Variants in CFAP74 observed in about 807,000 individuals in gnomAD.
CFAP74 encodes the protein cilia and flagella associated protein 74.
Under a neutral mutation model 188.9 loss-of-function variants are expected in CFAP74, and 124 were observed. That is an observed-to-expected ratio of 0.66 (90% CI 0.57 to 0.76). The LOEUF is 0.76. Among genes scored for constraint, CFAP74 ranks in the 30% least tolerant of loss-of-function variants. The pLI, the probability that CFAP74 is intolerant of heterozygous loss-of-function variation, is 0.00. For missense variants in CFAP74, 2,198 were observed against 2,165.2 expected (o/e 1.02, Z -0.30); for synonymous variants, 956 against 916.7 (o/e 1.04, Z -0.77).
intron 10 of CFAP74, among the ~76,000 whole-genome samples, chr1:1,970,237 C>T (rs924563094): frequency 1.3e-4 from 20 of 152,308 alleles, no homozygotes; most frequent in South Asian, 4.1e-4. Flanking sequence ...GCCAGGTGGA[C>T]GGCCCTGGAC....
Position 1,980,412 on chromosome 1 carries a change from G to A in CFAP74, c.500+4974C>T, listed in dbSNP as rs895673753. ...TGTATCTAAGCCACCGGCACAGATC[G>A]CAGTGGGCGCCCTCTTACCGTGTGG... is the stretch of plus-strand genomic sequence containing the variant. On this transcript the variant is annotated intron_variant, in intron 6 of 38. Coordinates refer to ENST00000682832, the MANE Select transcript of CFAP74 (RefSeq NM_001304360.2). 6.2e-5 allele frequency among the ~76,000 whole-genome samples: 8 copies of A among 128,374 alleles called. 2 individuals carry two copies. Among genetic ancestry groups the A allele is most frequent in the Middle Eastern group, 7.5e-3 (2 of 268 alleles). 84.2% of individuals were successfully genotyped at this position (128,374 alleles called of 152,430 possible). A position where few individuals can be genotyped will look rare whatever the true frequency, so the allele number is the denominator to read the frequency against.
intron 18 of CFAP74, among the ~76,000 whole-genome samples, chr1:1,953,073 T>C (rs541840674): frequency 6.6e-6 from 1 of 152,258 alleles, no homozygotes; most frequent in Non-Finnish European, 1.5e-5. Context: ...CTACAGTTTA[T>C]GTGGAAATGT....
chr1:1,937,165 C>T (rs553619454), intron 25 of CFAP74, among the ~76,000 whole-genome samples: 1 of 152,346 alleles, frequency 6.6e-6, no homozygotes, highest in South Asian at 2.1e-4. Flanking sequence ...GCCGTGATTA[C>T]GGATGGAACG....
At chr1:1,993,198 CAAAAAA>C (rs58970740) in intron 1 of CFAP74, among the ~76,000 whole-genome samples, 1 of 90,478 alleles carries the variant, frequency 1.1e-5, no homozygotes. Flanking sequence ...AAGACTGTCT[CAAAAAA>C]AAAAAAAAAA....
intron 5 of CFAP74, among the ~76,000 whole-genome samples, chr1:1,985,828 C>T (rs961573582): frequency 4.6e-5 from 7 of 152,358 alleles, no homozygotes; most frequent in Admixed American, 2.0e-4. Flanking sequence ...CAAGCCCTCG[C>T]GTCAGGGCGC....
At chr1:1,986,288 GC>G (rs1422277082) in intron 5 of CFAP74, among the ~76,000 whole-genome samples, 1 of 152,228 alleles carries the variant, frequency 6.6e-6, no homozygotes, top group Non-Finnish European at 1.5e-5. Context: ...TCCGGAGGCT[GC>G]AGCAGAGAAT....
intron 4 of CFAP74, among the ~76,000 whole-genome samples, chr1:1,987,687 G>A (rs998875027): frequency 4.6e-5 from 7 of 152,022 alleles, no homozygotes; most frequent in African/African-American, 9.7e-5. Flanking sequence ...GACTACAGGC[G>A]CCCACCACCA....
intron 14 of CFAP74, among the ~76,000 whole-genome samples, chr1:1,960,587 C>T (rs1655011103): frequency 6.6e-6 from 1 of 152,230 alleles, no homozygotes; most frequent in Admixed American, 6.5e-5. Context: ...GGAGCATCTC[C>T]CCAAGGAATT....
chr1:1,999,189 C>T (rs115202187), intron 1 of CFAP74, among the ~76,000 whole-genome samples: 1 of 152,154 alleles, frequency 6.6e-6, no homozygotes, highest in Non-Finnish European at 1.5e-5. Context: ...AAAACTAAGA[C>T]AGTAGAGTGC....
chr1:1,983,119 T>A (rs1657012746), intron 6 of CFAP74, among the ~76,000 whole-genome samples: 1 of 152,028 alleles, frequency 6.6e-6, no homozygotes, highest in South Asian at 2.1e-4. Flanking sequence ...ACCCCCAGCC[T>A]ACACGGAGAG....
At chr1:1,990,389 G>A (rs901819541) in intron 2 of CFAP74, among the ~76,000 whole-genome samples, 5 of 150,350 alleles carry the variant, frequency 3.3e-5, no homozygotes, top group Non-Finnish European at 7.4e-5. Flanking sequence ...AGACAGTGGC[G>A]GGGGGCAGGG....
intron 6 of CFAP74, among the ~76,000 whole-genome samples, chr1:1,979,041 G>A (rs1367128200): frequency 3.5e-5 from 5 of 143,178 alleles, no homozygotes; most frequent in East Asian, 2.1e-4. Context: ...GTGGGAAGGC[G>A]TCATGTGACG....
At chr1:1,957,548 C>T (rs1246154219) in intron 16 of CFAP74, among the ~76,000 whole-genome samples, 1 of 152,192 alleles carries the variant, frequency 6.6e-6, no homozygotes, top group Non-Finnish European at 1.5e-5. Context: ...AAGCAAGCCC[C>T]TGCTCAGGGG....
At position 1,968,663 on chromosome 1, in the gene CFAP74, G is replaced by A. The variant is rs199580948; in HGVS notation, c.1217C>T (p.Thr406Ile). The change falls in exon 11 of 39, where the codon ACC (threonine) becomes ATC (isoleucine). Residue 406 changes from threonine to isoleucine, a missense_variant. Thr to Ile is a moderately conservative substitution (Grantham distance 89, BLOSUM62 -1). Coordinates refer to ENST00000682832, the MANE Select transcript of CFAP74 (RefSeq NM_001304360.2). This position sits in a 1 kb window ranked among gnomAD's most constrained non-coding sequence, Gnocchi z 4.3. ...WNYISDFCKK[T>I]TVPTNTYTLD... ...TGTGTACGTGTTGGTTGGGACTGTG[G>A]TCTTCTTGCAAAAGTCAGAAATGTA... The A allele has an allele frequency of 1.5e-4, 246 of 1,603,422 alleles. 1 individual carries two copies. In the African/African-American group the frequency reaches 2.6e-3, roughly 17 times the overall value.
At chr1:1,986,032 C>T (rs1657213830) in intron 5 of CFAP74, among the ~76,000 whole-genome samples, 2 of 152,176 alleles carry the variant, frequency 1.3e-5, no homozygotes, top group Admixed American at 6.5e-5. Context: ...AGCAGCTGGC[C>T]GGGTATGGCA....
chr1:1,971,218 TAC>T (rs1224255843), intron 9 of CFAP74, among the ~76,000 whole-genome samples: 5 of 120,442 alleles, frequency 4.2e-5, no homozygotes, highest in African/African-American at 6.4e-5. Flanking sequence ...CCTGCACACA[TAC>T]GCGTGCACGC....
In CFAP74 at chr1:1,973,053, G is replaced by A. The variant is rs2102082790; in HGVS notation, c.675-6C>T. ...TCTGGGTGTTCAGGGACTTCCTGTG[G>A]GGATATGGGGCCGTCAGAGGGAAAC... On this transcript the variant is annotated splice_polypyrimidine_tract_variant and splice_region_variant and intron_variant, in intron 7 of 38. Transcript: ENST00000682832. This position sits in a 1 kb window ranked among gnomAD's most constrained non-coding sequence, Gnocchi z 6.2. 1 of 1,605,980 alleles carries A rather than the reference G, an allele frequency of 6.2e-7. No homozygotes were observed. Among genetic ancestry groups the A allele is most frequent in the Non-Finnish European group, 8.5e-7 (1 of 1,173,384 alleles).
intron 4 of CFAP74, among the ~76,000 whole-genome samples, chr1:1,987,369 C>T (rs1271741792): frequency 1.3e-5 from 2 of 152,248 alleles, no homozygotes; most frequent in South Asian, 2.1e-4. Flanking sequence ...CTGGGGCCCA[C>T]GGGAGGGGAG....
rs1012730250 is a variant in CFAP74 at position 1,935,530 on chromosome 1, G to A, written c.3011+3325C>T. Among the ~76,000 whole-genome samples, 7 of 99,364 alleles carry A rather than the reference G, an allele frequency of 7.0e-5. 1 individual carries two copies. The highest frequency in any genetic ancestry group is 1.5e-4 in the Non-Finnish European group (7 of 45,434). The allele number at this position is 99,364 out of a possible 152,430, so 65.2% of individuals were successfully genotyped here. On this transcript the variant is annotated intron_variant, in intron 25 of 38. Transcript: ENST00000682832. ...CGTGGGTTAGGTTGTAGGTACACACGTGTGTACCTGTTAGGTTGTAGGTAT... is the reference window on the plus strand; with the variant it reads ...CGTGGGTTAGGTTGTAGGTACACACATGTGTACCTGTTAGGTTGTAGGTAT...
Sources: gnomAD v4.1 joint callset for allele counts (sites outside exome capture counted in the v4.1 genomes callset) on GRCh38, gnomAD v4.1.1 for gene constraint, Gnocchi (gnomAD v3.1) non-coding constraint, MANE v1.5 for transcripts, NCBI Gene and HGNC (gene_info 2026-07-23, HGNC 2026-07-21) for gene names.